Variants in CTNNA2 observed in about 807,000 individuals in gnomAD.
The protein encoded by CTNNA2 is catenin alpha 2, also known as catenin alpha-2.
CTNNA2 carries 42 observed loss-of-function variants against 101.0 expected under a neutral mutation model. That is an observed-to-expected ratio of 0.42 (90% CI 0.32 to 0.54). The LOEUF (loss-of-function observed/expected upper bound fraction) is 0.54, where lower values mean the gene tolerates loss of function less well. CTNNA2 is among the 20% of genes least tolerant of loss of function. The pLI is 0.14. For missense variants in CTNNA2, 871 were observed against 1,223.1 expected (o/e 0.71, Z 4.29); for synonymous variants, 450 against 456.4 (o/e 0.99, Z 0.18).
chr2:79,624,876 G>A (rs1046662448), intron 1 of CTNNA2, among the ~76,000 whole-genome samples: 2 of 152,134 alleles, frequency 1.3e-5, no homozygotes. Flanking sequence ...CCCAGTCTGG[G>A]CATGGGCTCA....
chr2:79,931,241 T>C (rs1170065482), intron 7 of CTNNA2, among the ~76,000 whole-genome samples: 2 of 152,224 alleles, frequency 1.3e-5, no homozygotes, highest in Non-Finnish European at 2.9e-5. Context: ...TAGTTTTATA[T>C]CATTTAAATT....
At chr2:80,533,044 A>G (rs569062062) in intron 9 of CTNNA2, among the ~76,000 whole-genome samples, 24 of 152,278 alleles carry the variant, frequency 1.6e-4, no homozygotes, top group Admixed American at 1.4e-3. Flanking sequence ...AAATACAACC[A>G]TTATCCTCAA....
intron 12 of CTNNA2, among the ~76,000 whole-genome samples, chr2:80,569,633 G>GTTATTTTTTTTTTTTTTT (rs1694376557): frequency 1.9e-5 from 1 of 51,718 alleles, no homozygotes; most frequent in African/African-American, 6.1e-5. Context: ...GGGTATTTAG[G>GTTATTTTTTTTTTTTTTT]TTTTTTTTTT....
intron 7 of CTNNA2, among the ~76,000 whole-genome samples, chr2:79,967,232 GA>G (rs1690138161): frequency 6.6e-6 from 1 of 151,984 alleles, no homozygotes; most frequent in African/African-American, 2.4e-5. Context: ...TTTGAATCAA[GA>G]CTGCTTCCTC....
At position 79,938,925 on chromosome 2, in the gene CTNNA2, G is replaced by T. The variant is rs141199106; in HGVS notation, c.1056+29128G>T. Among the ~76,000 whole-genome samples, 81 of 152,244 alleles carry T rather than the reference G, an allele frequency of 5.3e-4. No individual in the cohort carries two copies. The East Asian group carries it at 0.015, about 28-fold the overall frequency. On this transcript the variant is annotated intron_variant, in intron 7 of 18. Coordinates refer to ENST00000402739, the MANE Select transcript of CTNNA2 (RefSeq NM_001282597.3). ...GTAATAAAACCTTTGGTTCTCTAAGGCTCTTGCATTAAAGACCAGGCAGCT... is the reference window on the plus strand; with the variant it reads ...GTAATAAAACCTTTGGTTCTCTAAGTCTCTTGCATTAAAGACCAGGCAGCT...
intron 2 of CTNNA2, among the ~76,000 whole-genome samples, chr2:79,298,333 A>G (rs1191711190): frequency 1.3e-5 from 2 of 152,170 alleles, no homozygotes; most frequent in African/African-American, 4.8e-5. Flanking sequence ...ACTGCAAGGC[A>G]GCATCAAGCC....
At chr2:79,697,327 C>T (rs1358761260) in intron 2 of CTNNA2, among the ~76,000 whole-genome samples, 5 of 152,006 alleles carry the variant, frequency 3.3e-5, no homozygotes, top group Non-Finnish European at 7.4e-5. Flanking sequence ...GCATTAAAAA[C>T]AGAATCAGAG....
chr2:79,301,711 C>A (rs372690750), intron 2 of CTNNA2, among the ~76,000 whole-genome samples: 14 of 152,244 alleles, frequency 9.2e-5, no homozygotes, highest in Non-Finnish European at 1.8e-4. Flanking sequence ...CCCTGTGAAG[C>A]TTTCCCAATA....
chr2:79,231,314 C>T (rs958539847), intron 2 of CTNNA2, among the ~76,000 whole-genome samples: 1 of 152,152 alleles, frequency 6.6e-6, no homozygotes, highest in Non-Finnish European at 1.5e-5. Flanking sequence ...GATAGCAAAT[C>T]TGTCTCATGA....
intron 2 of CTNNA2, among the ~76,000 whole-genome samples, chr2:79,743,536 ATT>A (rs34075986): frequency 1.4e-5 from 2 of 143,752 alleles, no homozygotes; most frequent in Non-Finnish European, 3.1e-5. Context: ...TATTTTATTT[ATT>A]TTTTTTTTTT....
At chr2:79,960,447 A>G (rs1424184129) in intron 7 of CTNNA2, among the ~76,000 whole-genome samples, 1 of 152,226 alleles carries the variant, frequency 6.6e-6, no homozygotes, top group Non-Finnish European at 1.5e-5. Flanking sequence ...GAAAACACCT[A>G]CAAGCAAACA....
intron 9 of CTNNA2, among the ~76,000 whole-genome samples, chr2:80,540,934 G>T (rs1479690552): frequency 5.3e-5 from 8 of 152,084 alleles, no homozygotes; most frequent in African/African-American, 1.9e-4. Context: ...GGCTTATTAG[G>T]AGCCTCAGCC....
chr2:80,523,528 G>A lies in CTNNA2; in HGVS notation c.1291-21454G>A, dbSNP rs560134341. Among the ~76,000 whole-genome samples the A allele has an allele frequency of 4.5e-4, 69 of 152,318 alleles. 1 individual carries two copies. The highest frequency in any genetic ancestry group is 4.1e-3 in the South Asian group (20 of 4,830). On this transcript the variant is annotated intron_variant, in intron 9 of 18. Coordinates refer to ENST00000402739, the MANE Select transcript of CTNNA2 (RefSeq NM_001282597.3). ...ATAGGCTACGACAATTCCTACTGCT[G>A]ATATTAAACCTAAATAACAGTATTT... is the stretch of plus-strand genomic sequence containing the variant.
chr2:79,962,711 T>C (rs534275850), intron 7 of CTNNA2, among the ~76,000 whole-genome samples: 1 of 152,160 alleles, frequency 6.6e-6, no homozygotes, highest in Non-Finnish European at 1.5e-5. Context: ...TAGATATGAT[T>C]GGAGCACATG....
chr2:80,196,064 G>A (rs1706812272), intron 7 of CTNNA2, among the ~76,000 whole-genome samples: 2 of 152,152 alleles, frequency 1.3e-5, no homozygotes, highest in South Asian at 4.1e-4. Context: ...ACGTGGCAGG[G>A]TAGTGAAATT....
At chr2:79,682,410 C>CAAAAAAAAAA (rs10674928) in intron 2 of CTNNA2, among the ~76,000 whole-genome samples, 1 of 73,314 alleles carries the variant, frequency 1.4e-5, no homozygotes, top group African/African-American at 5.4e-5. Flanking sequence ...AACTCCATCT[C>CAAAAAAAAAA]AAAAAAAAAA....
chr2:80,269,060 C>A (rs746367213), intron 7 of CTNNA2, among the ~76,000 whole-genome samples: 29 of 152,352 alleles, frequency 1.9e-4, no homozygotes, highest in Non-Finnish European at 3.7e-4. Context: ...ATGACCATAA[C>A]ATAAAGTCAA....
At chr2:79,229,032 T>G (rs1047212936) in intron 2 of CTNNA2, among the ~76,000 whole-genome samples, 1 of 152,198 alleles carries the variant, frequency 6.6e-6, no homozygotes, top group Non-Finnish European at 1.5e-5. Flanking sequence ...CCATTGCTTA[T>G]TTTTGTTAAT....
intron 9 of CTNNA2, among the ~76,000 whole-genome samples, chr2:80,457,264 G>A (rs958881480): frequency 2.6e-5 from 4 of 151,914 alleles, no homozygotes; most frequent in East Asian, 1.9e-4. Flanking sequence ...GGATTTCGCC[G>A]TGTTGGCAAG....
Sources: gnomAD v4.1 joint callset for allele counts (sites outside exome capture counted in the v4.1 genomes callset) on GRCh38, gnomAD v4.1.1 for gene constraint, MANE v1.5 for transcripts, NCBI Gene and HGNC (gene_info 2026-07-23, HGNC 2026-07-21) for gene names.